The following LHFPL6 variants were observed in gnomAD, a reference collection of about 807,000 sequenced individuals.
LHFPL6 encodes LHFPL tetraspan subfamily member 6 protein.
In LHFPL6, 9 loss-of-function variants were observed where a neutral mutation model predicts 20.6. That is an observed-to-expected ratio of 0.44 (90% confidence interval 0.26 to 0.76). The LOEUF is 0.76. Among genes scored for constraint, LHFPL6 ranks in the 30% least tolerant of loss-of-function variants. The pLI, the probability that LHFPL6 is intolerant of heterozygous loss-of-function variation, is 0.20. For synonymous variants in LHFPL6, 105 were observed against 98.7 expected (o/e 1.06, Z -0.38); for missense variants, 218 against 253.5 (o/e 0.86, Z 0.95).
At chr13:39,495,065 A>G (rs1043070732) in intron 2 of LHFPL6, among the ~76,000 whole-genome samples, 5 of 152,192 alleles carry the variant, frequency 3.3e-5, no homozygotes, top group Admixed American at 2.0e-4. Context: ...CTCCGTGCTC[A>G]CCACATTCAT....
At chr13:39,426,616 T>C (rs527910750) in intron 2 of LHFPL6, among the ~76,000 whole-genome samples, 5 of 152,346 alleles carry the variant, frequency 3.3e-5, no homozygotes, top group African/African-American at 1.2e-4. Context: ...TTATTTCACT[T>C]AGAATAACAT....
chr13:39,348,919 G>A (rs987091849), intron 3 of LHFPL6, among the ~76,000 whole-genome samples: 2 of 152,140 alleles, frequency 1.3e-5, no homozygotes, highest in Admixed American at 6.6e-5. Flanking sequence ...GGTAGTTAAC[G>A]TATCAGGCTA....
intron 2 of LHFPL6, among the ~76,000 whole-genome samples, chr13:39,405,559 C>T (rs1871096492): frequency 6.6e-6 from 1 of 152,206 alleles, no homozygotes; most frequent in South Asian, 2.1e-4. Flanking sequence ...TAAACATCTT[C>T]TGGGCTGTCT....
chr13:39,568,147 A>G (rs1308807456), intron 2 of LHFPL6, among the ~76,000 whole-genome samples: 1 of 152,220 alleles, frequency 6.6e-6, no homozygotes, highest in East Asian at 1.9e-4. Flanking sequence ...AGGTAGAGAA[A>G]ACTTCCAGAC....
chr13:39,478,312 T>A (rs1445532020), intron 2 of LHFPL6, among the ~76,000 whole-genome samples: 1 of 152,168 alleles, frequency 6.6e-6, no homozygotes, highest in African/African-American at 2.4e-5. Context: ...TCTCTGTGGG[T>A]TGCCAGGCAC....
At chr13:39,511,215 G>A (rs57967051) in intron 2 of LHFPL6, among the ~76,000 whole-genome samples, 3,950 of 152,092 alleles carry the variant, frequency 0.026, 189 homozygotes, top group African/African-American at 0.09. Flanking sequence ...CAAAAAAAAA[G>A]TCATGGGTAT....
rs67039805 is a variant in LHFPL6, at chr13:39,565,266, TAA to T, written c.385+35564_385+35565del. Among the ~76,000 whole-genome samples, 13 of 149,990 alleles carry T rather than the reference TAA, an allele frequency of 8.7e-5. No individual in the cohort carries two copies. The East Asian group carries it at 1.4e-3, about 16-fold the overall frequency. On this transcript the variant is annotated intron_variant, in intron 2 of 3. Transcript: ENST00000379589. The stretch of plus-strand genomic sequence containing the variant: ...TCATCATAGAATGATAGTGTACCCT[TAA>T]AAAAAAAAATCCAGTACAGTTCAAA...
intron 2 of LHFPL6, among the ~76,000 whole-genome samples, chr13:39,545,938 C>G (rs1427060570): frequency 6.6e-6 from 1 of 152,004 alleles, no homozygotes; most frequent in African/African-American, 2.4e-5. Context: ...TAAATTAAAA[C>G]TGTATTATTT....
intron 2 of LHFPL6, among the ~76,000 whole-genome samples, chr13:39,447,114 A>T (rs928793376): frequency 2.6e-5 from 4 of 152,214 alleles, no homozygotes; most frequent in African/African-American, 9.7e-5. Context: ...ATTTTGTTTC[A>T]TATCAGATGG....
intron 2 of LHFPL6, among the ~76,000 whole-genome samples, chr13:39,581,545 AAAG>A (rs1209881560): frequency 6.0e-5 from 9 of 151,140 alleles, no homozygotes; most frequent in East Asian, 1.9e-4. Flanking sequence ...AAAAAAAAAA[AAAG>A]AAGAAGAAGA....
intron 3 of LHFPL6, among the ~76,000 whole-genome samples, chr13:39,377,199 C>T (rs1870311872): frequency 6.6e-6 from 1 of 152,216 alleles, no homozygotes; most frequent in Non-Finnish European, 1.5e-5. Context: ...AATCCCACTT[C>T]TTCATTAAAC....
At chr13:39,349,963 T>G (rs749568732) in intron 3 of LHFPL6, among the ~76,000 whole-genome samples, 10 of 152,226 alleles carry the variant, frequency 6.6e-5, no homozygotes, top group Non-Finnish European at 1.5e-4. Context: ...AGTTCGGAGC[T>G]TGAAGCCTGA....
chr13:39,389,307 T>G (rs1403801407), intron 2 of LHFPL6, among the ~76,000 whole-genome samples: 1 of 151,716 alleles, frequency 6.6e-6, no homozygotes, highest in African/African-American at 2.4e-5. Context: ...AAAGGAAGAG[T>G]GAGCTTGTGG....
chr13:39,569,563 T>C (rs1871847974), intron 2 of LHFPL6, among the ~76,000 whole-genome samples: 1 of 152,240 alleles, frequency 6.6e-6, no homozygotes, highest in Non-Finnish European at 1.5e-5. Flanking sequence ...AGCAATACTA[T>C]ATCACCAAGA....
intron 2 of LHFPL6, among the ~76,000 whole-genome samples, chr13:39,549,356 C>T (rs1178045577): frequency 1.3e-5 from 2 of 151,892 alleles, no homozygotes; most frequent in Non-Finnish European, 2.9e-5. Flanking sequence ...GAAAATAGAC[C>T]AATATGTAAA....
At position 39,343,603 on chromosome 13, in the gene LHFPL6, TTG is replaced by T. The variant is rs67172252; in HGVS notation, c.*331_*332del. 0.17 allele frequency: 32,710 copies of T among 194,158 alleles called. 2,203 individuals carry two copies. The highest frequency in any genetic ancestry group is 0.36 in the East Asian group (4,711 of 13,086). The allele number at this position is 194,158 out of a possible 1,614,324, so 12.0% of individuals were successfully genotyped here. ...ACCCTTGTTTGTATATGTAGATTTG[TTG>T]TGTGTGTGTGTGTGTGTGTGTGTGT... On this transcript the variant is annotated 3_prime_UTR_variant, in exon 4 of 4. Coordinates refer to ENST00000379589, the MANE Select transcript of LHFPL6 (RefSeq NM_005780.3).
chr13:39,366,146 T>C (rs755671918), intron 3 of LHFPL6, among the ~76,000 whole-genome samples: 2 of 152,174 alleles, frequency 1.3e-5, no homozygotes, highest in Non-Finnish European at 2.9e-5. Flanking sequence ...CTATGACATA[T>C]TGATTATTAA....
intron 2 of LHFPL6, among the ~76,000 whole-genome samples, chr13:39,498,924 G>T (rs376486954): frequency 6.6e-6 from 1 of 151,964 alleles, no homozygotes; most frequent in Non-Finnish European, 1.5e-5. Context: ...GCAGTGACGC[G>T]ATCTCAGCTC....
At chr13:39,588,674 C>T (rs537371769) in intron 2 of LHFPL6, among the ~76,000 whole-genome samples, 57 of 152,320 alleles carry the variant, frequency 3.7e-4, no homozygotes, top group African/African-American at 1.2e-3. Context: ...AATATCTTCA[C>T]ATTGGTAGCA....
Sources: allele counts gnomAD v4.1 joint callset (sites outside exome capture counted in the v4.1 genomes callset), GRCh38; gene constraint gnomAD v4.1.1; transcripts MANE v1.5; gene names NCBI Gene and HGNC (gene_info 2026-07-23, HGNC 2026-07-21).